The following GABRG3 variants were observed in gnomAD, a reference collection of about 807,000 sequenced individuals.
GABRG3 encodes the protein gamma-aminobutyric acid type A receptor subunit gamma3.
GABRG3 carries 25 observed loss-of-function variants against 48.8 expected under a neutral mutation model. That is an observed-to-expected ratio of 0.51 (90% CI 0.37 to 0.72). The LOEUF (loss-of-function observed/expected upper bound fraction) is 0.72. Ranked by LOEUF, GABRG3 falls within the 30% of genes least tolerant of loss-of-function variation. The pLI is 0.00. For synonymous variants in GABRG3, 227 were observed against 217.6 expected (o/e 1.04, Z -0.38); for missense variants, 394 against 577.9 (o/e 0.68, Z 3.26).
At chr15:27,034,399 A>C (rs944400348) in intron 3 of GABRG3, among the ~76,000 whole-genome samples, 1 of 152,220 alleles carries the variant, frequency 6.6e-6, no homozygotes, top group Admixed American at 6.5e-5. Flanking sequence ...TATTTAAAAA[A>C]AGAAGTGAAA....
At chr15:27,200,411 A>G (rs564908418) in intron 3 of GABRG3, among the ~76,000 whole-genome samples, 20 of 152,324 alleles carry the variant, frequency 1.3e-4, no homozygotes, top group African/African-American at 4.3e-4. Flanking sequence ...AAGTAAAATG[A>G]GAACCTCATC....
chr15:27,301,621 T>C (rs1296459807), intron 3 of GABRG3, among the ~76,000 whole-genome samples: 1 of 151,908 alleles, frequency 6.6e-6, no homozygotes, highest in Non-Finnish European at 1.5e-5. Context: ...TGTGTGTGAG[T>C]GTGTGTGTGT....
At chr15:27,220,578 G>A (rs1316229910) in intron 3 of GABRG3, among the ~76,000 whole-genome samples, 1 of 152,168 alleles carries the variant, frequency 6.6e-6, no homozygotes, top group Non-Finnish European at 1.5e-5. Flanking sequence ...TGATGTGACA[G>A]CAGTGGGCAT....
intron 3 of GABRG3, among the ~76,000 whole-genome samples, chr15:27,224,181 G>C (rs1392312897): frequency 6.6e-6 from 1 of 152,194 alleles, no homozygotes; most frequent in Non-Finnish European, 1.5e-5. Context: ...CAGGGGTTTG[G>C]GGGTGCCGCA....
At position 27,456,005 on chromosome 15, in the gene GABRG3, T is replaced by A. The variant is rs184796137; in HGVS notation, c.575-24645T>A. ...TGTGGTTGAGAGTCCACAGCCATCT[T>A]ACCCCAGTGTGTTCTGACATCTGGG... On this transcript the variant is annotated intron_variant, in intron 5 of 9. Coordinates refer to ENST00000615808, the MANE Select transcript of GABRG3 (RefSeq NM_033223.5). 1.4e-4 allele frequency among the ~76,000 whole-genome samples: 22 copies of A among 152,288 alleles called. No homozygotes were observed. The East Asian group carries it at 4.1e-3, about 28-fold the overall frequency.
At chr15:27,260,291 A>G (rs1034473053) in intron 3 of GABRG3, among the ~76,000 whole-genome samples, 6 of 151,910 alleles carry the variant, frequency 3.9e-5, no homozygotes, top group Admixed American at 3.9e-4. Context: ...GTCCCCATCT[A>G]TTTTTTCGAA....
intron 5 of GABRG3, among the ~76,000 whole-genome samples, chr15:27,411,623 A>G (rs995614538): frequency 1.3e-5 from 2 of 152,058 alleles, no homozygotes; most frequent in Admixed American, 1.3e-4. Flanking sequence ...TACTGCTTTT[A>G]TGGGGGGGAT....
intron 3 of GABRG3, among the ~76,000 whole-genome samples, chr15:27,301,972 A>G (rs1892224704): frequency 6.6e-6 from 1 of 152,080 alleles, no homozygotes; most frequent in African/African-American, 2.4e-5. Context: ...CAGTAAGAAT[A>G]TCCTTCAGGG....
intron 5 of GABRG3, among the ~76,000 whole-genome samples, chr15:27,416,280 T>G (rs756749099): frequency 2.0e-5 from 3 of 152,282 alleles, no homozygotes; most frequent in Non-Finnish European, 4.4e-5. Flanking sequence ...GTCCTGTGAT[T>G]GGGTCTCAGG....
chr15:27,193,162 C>T (rs1297127529), intron 3 of GABRG3, among the ~76,000 whole-genome samples: 4 of 152,216 alleles, frequency 2.6e-5, no homozygotes, highest in African/African-American at 9.6e-5. Context: ...GCTCAGGGGT[C>T]AGGGGTCAGG....
chr15:27,061,699 A>T (rs1033575997), intron 3 of GABRG3, among the ~76,000 whole-genome samples: 1 of 152,092 alleles, frequency 6.6e-6, no homozygotes, highest in Non-Finnish European at 1.5e-5. Context: ...TCCCCACCAA[A>T]GAGAAAAAAA....
chr15:27,038,976 A>G (rs1479727781), intron 3 of GABRG3, among the ~76,000 whole-genome samples: 1 of 152,212 alleles, frequency 6.6e-6, no homozygotes, highest in African/African-American at 2.4e-5. Flanking sequence ...GCAGAAATCA[A>G]ATCAGTGATG....
chr15:27,312,926 A>T (rs1378143858), intron 3 of GABRG3, among the ~76,000 whole-genome samples: 9 of 151,772 alleles, frequency 5.9e-5, no homozygotes, highest in African/African-American at 2.2e-4. Context: ...TAAAAGTTAA[A>T]AAAAAGTATA....
At chr15:27,155,819 T>C (rs892621385) in intron 3 of GABRG3, among the ~76,000 whole-genome samples, 1 of 152,050 alleles carries the variant, frequency 6.6e-6, no homozygotes, top group Non-Finnish European at 1.5e-5. Flanking sequence ...CATTACTGTT[T>C]AGAGGAAATC....
intron 5 of GABRG3, chr15:27,365,334 CACACAT>C (rs200446254): frequency 7.0e-6 from 1 of 143,158 alleles, no homozygotes; most frequent in African/African-American, 2.6e-5. Context: ...CACACACACA[CACACAT>C]ATTAACCTTC....
At chr15:27,258,322 G>C (rs940062009) in intron 3 of GABRG3, among the ~76,000 whole-genome samples, 28 of 152,158 alleles carry the variant, frequency 1.8e-4, no homozygotes, top group African/African-American at 6.5e-4. Context: ...AAAAGTGCCT[G>C]CACCATTCAC....
Position 27,314,929 on chromosome 15 carries a change from AT to A in GABRG3, c.271-11879del, listed in dbSNP as rs1366279113. Among the ~76,000 whole-genome samples the A allele has an allele frequency of 2.2e-4, 34 of 152,310 alleles. No individual in the cohort carries two copies. The South Asian group carries it at 6.6e-3, about 30-fold the overall frequency. ...GGGAGAAATGGAAAATTTCTAATCA[AT>A]GAGCATAAAGCCTCAATTATAAAAG... On this transcript the variant is annotated intron_variant, in intron 3 of 9. Transcript: ENST00000615808.
At chr15:27,169,440 G>C (rs1887489680) in intron 3 of GABRG3, among the ~76,000 whole-genome samples, 1 of 152,150 alleles carries the variant, frequency 6.6e-6, no homozygotes, top group African/African-American at 2.4e-5. Flanking sequence ...GGGACGAGAA[G>C]CATGTTGGTA....
At chr15:27,257,436 C>A (rs1294885685) in intron 3 of GABRG3, among the ~76,000 whole-genome samples, 1 of 151,948 alleles carries the variant, frequency 6.6e-6, no homozygotes, top group Non-Finnish European at 1.5e-5. Flanking sequence ...GGATCATTTT[C>A]AAAAAAATCA....
Sources: allele counts gnomAD v4.1 joint callset (sites outside exome capture counted in the v4.1 genomes callset), GRCh38; gene constraint gnomAD v4.1.1; transcripts MANE v1.5; gene names NCBI Gene and HGNC (gene_info 2026-07-23, HGNC 2026-07-21).